Variants in ALK observed in about 807,000 individuals in gnomAD.
The protein encoded by ALK is ALK tyrosine kinase receptor.
In ALK, 74 loss-of-function variants were observed where a neutral mutation model predicts 163.1. The ratio of observed to expected loss-of-function variants is 0.45; its 90% confidence interval spans 0.38 to 0.55. ALK has a LOEUF of 0.55. Ranked by LOEUF, ALK falls within the 20% of genes least tolerant of loss-of-function variation. ALK has a pLI of 0.00. For synonymous variants in ALK, 960 were observed against 843.2 expected (o/e 1.14, Z -2.40); for missense variants, 2,063 against 2,105.3 (o/e 0.98, Z 0.39).
At chr2:29,210,168 GTGC>G (rs1669425706) in intron 24 of ALK, among the ~76,000 whole-genome samples, 1 of 152,010 alleles carries the variant, frequency 6.6e-6, no homozygotes, top group South Asian at 2.1e-4. Context: ...CTTTTACTAG[GTGC>G]TAAGTGTTGT....
intron 1 of ALK, among the ~76,000 whole-genome samples, chr2:29,839,604 C>T (rs545134295): frequency 5.3e-5 from 8 of 152,288 alleles, no homozygotes; most frequent in East Asian, 1.9e-4. Flanking sequence ...ATGGTTGTCT[C>T]GCCATTCCCA....
At chr2:29,508,685 T>C (rs1672412238) in intron 4 of ALK, among the ~76,000 whole-genome samples, 2 of 91,652 alleles carry the variant, frequency 2.2e-5, no homozygotes, top group Non-Finnish European at 4.3e-5. Context: ...ACCCTAAAAC[T>C]TAGAGTATAA....
At position 29,579,043 on chromosome 2, in the gene ALK, C is replaced by T. The variant is rs1405641351; in HGVS notation, c.953-46927G>A. 3.3e-5 allele frequency among the ~76,000 whole-genome samples: 5 copies of T among 152,332 alleles called. No homozygotes were observed. In the East Asian group the frequency reaches 9.6e-4, roughly 29 times the overall value. ...CTTGAAGAAGTACTAGCTATCTGCA[C>T]TTTGATGTTCTGGAGAGCACCTGGC... On this transcript the variant is annotated intron_variant, in intron 3 of 28. Coordinates refer to ENST00000389048, the MANE Select transcript of ALK (RefSeq NM_004304.5).
chr2:29,550,686 G>C (rs1673692716), intron 3 of ALK, among the ~76,000 whole-genome samples: 1 of 152,042 alleles, frequency 6.6e-6, no homozygotes, highest in South Asian at 2.1e-4. Context: ...TTCAAATATA[G>C]GGACAAATAA....
rs371679329 is a variant in ALK, at chr2:29,920,542, G to C, written c.118C>G (p.Pro40Ala). 28 of 1,607,346 alleles carry C rather than the reference G, an allele frequency of 1.7e-5. No individual in the cohort carries two copies. The highest frequency in any genetic ancestry group is 3.3e-5 in the Admixed American group (2 of 59,828). The change falls in exon 1 of 29, where the codon CCC becomes GCC. Residue 40 changes from proline (P) to alanine (A), a missense_variant. Coordinates refer to ENST00000389048, the MANE Select transcript of ALK (RefSeq NM_004304.5). Reference sequence around the variant, plus strand: ...CGCGAGTAGCTGAGTGGCTCCCGGGGCTGCAGCGGCGGCCCCGCAGCTGGG... The same window carrying C: ...CGCGAGTAGCTGAGTGGCTCCCGGGCCTGCAGCGGCGGCCCCGCAGCTGGG... ...GSPAAGPPLQ[P>A]REPLSYSRLQ...
At chr2:29,219,030 T>C (rs1233276237) in intron 23 of ALK, among the ~76,000 whole-genome samples, 1 of 152,246 alleles carries the variant, frequency 6.6e-6, no homozygotes, top group Admixed American at 6.5e-5. Context: ...GCCTGAGTTC[T>C]AGTCCCAGCT....
intron 1 of ALK, among the ~76,000 whole-genome samples, chr2:29,719,969 A>C (rs938647958): frequency 6.6e-6 from 1 of 152,214 alleles, no homozygotes. Flanking sequence ...GTCATTGGCT[A>C]ATCTCAAATT....
intron 4 of ALK, among the ~76,000 whole-genome samples, chr2:29,390,263 G>A (rs149820574): frequency 1.6e-4 from 24 of 152,202 alleles, no homozygotes; most frequent in Admixed American, 2.6e-4. Flanking sequence ...GGTCATGAGC[G>A]CCAAGTCATT....
chr2:29,285,708 G>A (rs2148222643), intron 9 of ALK, among the ~76,000 whole-genome samples: 1 of 152,146 alleles, frequency 6.6e-6, no homozygotes, highest in Non-Finnish European at 1.5e-5. Flanking sequence ...AATTACAGGT[G>A]CATGCCACCA....
intron 1 of ALK, among the ~76,000 whole-genome samples, chr2:29,910,788 A>C (rs986092397): frequency 6.6e-6 from 1 of 152,240 alleles, no homozygotes; most frequent in Non-Finnish European, 1.5e-5. Context: ...TTCAGCAAAC[A>C]AAAGCTGAGA....
chr2:29,825,280 C>T (rs775152219), intron 1 of ALK, among the ~76,000 whole-genome samples: 4 of 152,208 alleles, frequency 2.6e-5, no homozygotes, highest in Non-Finnish European at 4.4e-5. Context: ...TTCATCTCTT[C>T]ATCTGTCCAT....
intron 5 of ALK, among the ~76,000 whole-genome samples, chr2:29,366,677 A>G (rs752264266): frequency 3.3e-5 from 5 of 152,214 alleles, no homozygotes; most frequent in Non-Finnish European, 7.3e-5. Flanking sequence ...GGCTCTTCCA[A>G]TACTAGGATG....
chr2:29,902,464 C>T (rs983173796), intron 1 of ALK, among the ~76,000 whole-genome samples: 1 of 152,190 alleles, frequency 6.6e-6, no homozygotes, highest in African/African-American at 2.4e-5. Context: ...CCAGACCACA[C>T]ACCATTGCCA....
intron 4 of ALK, among the ~76,000 whole-genome samples, chr2:29,450,663 C>A (rs538136037): frequency 6.6e-6 from 1 of 152,222 alleles, no homozygotes; most frequent in African/African-American, 2.4e-5. Context: ...TGTTACAGTT[C>A]TCTTAAGTCT....
chr2:29,355,000 T>G (rs993995398), intron 5 of ALK, among the ~76,000 whole-genome samples: 9 of 152,116 alleles, frequency 5.9e-5, no homozygotes, highest in African/African-American at 2.2e-4. Flanking sequence ...TCTCCTGACC[T>G]CGTGATCCAC....
intron 5 of ALK, among the ~76,000 whole-genome samples, chr2:29,337,490 A>G (rs1212317358): frequency 6.6e-6 from 1 of 152,150 alleles, no homozygotes; most frequent in Non-Finnish European, 1.5e-5. Context: ...AGGCTGTTGC[A>G]TTAATGGTGT....
chr2:29,352,344 T>C (rs1452353218), intron 5 of ALK, among the ~76,000 whole-genome samples: 2 of 152,216 alleles, frequency 1.3e-5, no homozygotes, highest in East Asian at 3.9e-4. Flanking sequence ...GTGTGGGGCC[T>C]GTAATACTTG....
chr2:29,529,272 T>G (rs1029736739), intron 4 of ALK, among the ~76,000 whole-genome samples: 1 of 152,106 alleles, frequency 6.6e-6, no homozygotes, highest in African/African-American at 2.4e-5. Context: ...TACAACTTCC[T>G]CCCTCGTTAC....
At chr2:29,630,168 T>C (rs1676318414) in intron 3 of ALK, among the ~76,000 whole-genome samples, 1 of 152,114 alleles carries the variant, frequency 6.6e-6, no homozygotes, top group Non-Finnish European at 1.5e-5. Flanking sequence ...AGAAGGACAC[T>C]TGATTGGAGA....
Sources: allele counts gnomAD v4.1 joint callset (sites outside exome capture counted in the v4.1 genomes callset), GRCh38; gene constraint gnomAD v4.1.1; transcripts MANE v1.5; gene names NCBI Gene and HGNC (gene_info 2026-07-23, HGNC 2026-07-21).